The following RGS19 variants were observed in gnomAD, a reference collection of about 807,000 sequenced individuals.
RGS19 encodes regulator of G protein signaling 19.
A neutral mutation model predicts 22.0 loss-of-function variants in RGS19; 9 were observed. The observed-to-expected ratio is 0.41, with a 90% CI of 0.25 to 0.71. RGS19 has a LOEUF of 0.71. RGS19 is among the 30% of genes least tolerant of loss of function. The probability of loss-of-function intolerance (pLI) is 0.32; values close to 1 mark genes in which losing one functional copy is unlikely to be tolerated. For missense variants in RGS19, 256 were observed against 307.1 expected (o/e 0.83, Z 1.24); for synonymous variants, 130 against 127.3 (o/e 1.02, Z -0.14).
rs1056781466 is a variant in RGS19 at position 64,075,754 on chromosome 20, C to T, written c.152+771G>A. Among the ~76,000 whole-genome samples, 3 of 152,212 alleles carry T rather than the reference C, an allele frequency of 2.0e-5. No homozygotes were observed. The highest frequency in any genetic ancestry group is 2.9e-5 in the Non-Finnish European group (2 of 68,024). ...GCCACCGCCCCCTGCTCTTCTTCCCCCACGCATGCTGTCCGGGAAGCTCTT... is the reference window on the plus strand; with the variant it reads ...GCCACCGCCCCCTGCTCTTCTTCCCTCACGCATGCTGTCCGGGAAGCTCTT... On this transcript the variant is annotated intron_variant, in intron 3 of 5. Coordinates refer to ENST00000395042, the MANE Select transcript of RGS19 (RefSeq NM_005873.3). The surrounding 1 kb of genome is among the most constrained non-coding windows in gnomAD (Gnocchi z 4.6).
At position 64,073,769 on chromosome 20, in the gene RGS19, C is replaced by G; in HGVS notation, c.*84G>C. 7.9e-7 allele frequency: 1 copy of G among 1,272,178 alleles called. No individual in the cohort carries two copies. The highest frequency in any genetic ancestry group is 1.1e-6 in the Non-Finnish European group (1 of 918,524). The allele number at this position is 1,272,178 out of a possible 1,614,324, so 78.8% of individuals were successfully genotyped here. A position where few individuals can be genotyped will look rare whatever the true frequency, so the allele number is the denominator to read the frequency against. On this transcript the variant is annotated 3_prime_UTR_variant, in exon 6 of 6. Coordinates refer to ENST00000395042, the MANE Select transcript of RGS19 (RefSeq NM_005873.3). ...GACCCCAGCCGGCCAGGCATGTGCCCTGACAGCCCTGCCGACAACAACACC... is the reference window on the plus strand; with the variant it reads ...GACCCCAGCCGGCCAGGCATGTGCCGTGACAGCCCTGCCGACAACAACACC...
Position 64,074,454 on chromosome 20 carries a change from C to A in RGS19, c.227+13G>T. 1 of 1,581,958 alleles carries A rather than the reference C, an allele frequency of 6.3e-7. No individual in the cohort carries two copies. Among genetic ancestry groups the A allele is most frequent in the East Asian group, 2.3e-5 (1 of 43,086 alleles). On this transcript the variant is annotated intron_variant, in intron 4 of 5. Coordinates refer to ENST00000395042, the MANE Select transcript of RGS19 (RefSeq NM_005873.3). ...GCCCCCCCAGCACGCACACACCAGC[C>A]GGCTGGACTCACCATACTTCACAGC...
rs1227112675 is a variant in RGS19, at chr20:64,073,611, C to T, written c.*242G>A. 8.3e-6 allele frequency: 4 copies of T among 482,770 alleles called. No individual in the cohort carries two copies. Among genetic ancestry groups the T allele is most frequent in the East Asian group, 6.7e-5 (2 of 29,748 alleles). 29.9% of individuals were successfully genotyped at this position (482,770 alleles called of 1,614,324 possible). A position where few individuals can be genotyped will look rare whatever the true frequency, so the allele number is the denominator to read the frequency against. ...AGCACTGGGCCAGCCAGCTGCGGGC[C>T]GATGAGGGGGCTTCTGGCCCGCCCT... On this transcript the variant is annotated 3_prime_UTR_variant, in exon 6 of 6. Transcript: ENST00000395042.
intron 1 of RGS19, among the ~76,000 whole-genome samples, chr20:64,077,529 G>A (rs966658235): frequency 3.3e-5 from 5 of 152,318 alleles, no homozygotes; most frequent in East Asian, 1.9e-4. Flanking sequence ...GCAGGGCCCC[G>A]GTGAGGAGGG....
At chr20:64,076,405 G>A in intron 3 of RGS19, 120 bp downstream of exon 3, 1 of 1,466,256 alleles carries the variant, frequency 6.8e-7, no homozygotes, top group East Asian at 2.3e-5. Flanking sequence ...GTGCTGTGAG[G>A]TGGCAGGGGC....
At position 64,074,434 on chromosome 20, in the gene RGS19, C is replaced by A. The variant is rs1238750606; in HGVS notation, c.227+33G>T. 6 of 1,575,240 alleles carry A rather than the reference C, an allele frequency of 3.8e-6. No homozygotes were observed. In the Admixed American group the frequency reaches 5.5e-5, roughly 14 times the overall value. On this transcript the variant is annotated intron_variant, in intron 4 of 5. Coordinates refer to ENST00000395042, the MANE Select transcript of RGS19 (RefSeq NM_005873.3). The stretch of plus-strand genomic sequence containing the variant: ...CCCGAGTCTCCCGGTCTGGGGCCCC[C>A]CCAGCACGCACACACCAGCCGGCTG...
At chr20:64,077,122 AG>A in intron 1 of RGS19, 168 bp from the exon 2 acceptor site, 1 of 436,864 alleles carries the variant, frequency 2.3e-6, no homozygotes, top group Non-Finnish European at 4.0e-6. Flanking sequence ...CAGGGCTGGG[AG>A]GGGGTCCAGG....
chr20:64,077,982 C>T (rs1239683448), intron 1 of RGS19, among the ~76,000 whole-genome samples: 4 of 152,174 alleles, frequency 2.6e-5, no homozygotes, highest in Admixed American at 1.3e-4. Context: ...CCTCATGTGC[C>T]GCCACCCTCC....
intron 1 of RGS19, among the ~76,000 whole-genome samples, chr20:64,078,298 GTC>G (rs2059925319): frequency 4.7e-5 from 1 of 21,168 alleles, no homozygotes; most frequent in Admixed American, 9.6e-4. Flanking sequence ...GAGACTGGGG[GTC>G]CCACGGGCTC....
chr20:64,074,401 A>G (rs370899383), intron 4 of RGS19, 23 bp from the exon 5 acceptor site: 9 of 1,591,564 alleles, frequency 5.7e-6, no homozygotes, highest in African/African-American at 1.3e-5. Flanking sequence ...GGGCCAGGCT[A>G]TGTCAGGCCC....
intron 3 of RGS19, among the ~76,000 whole-genome samples, chr20:64,074,787 A>G (rs1284154613): frequency 2.0e-5 from 3 of 152,254 alleles, no homozygotes; most frequent in Non-Finnish European, 4.4e-5. Context: ...TCCCTGCCAC[A>G]GTGCCCAGAC....
intron 1 of RGS19, 27 bp from the exon 2 acceptor site, chr20:64,076,981 T>G: frequency 8.3e-7 from 1 of 1,211,694 alleles, no homozygotes; most frequent in Non-Finnish European, 1.1e-6. Context: ...AGGTTCTGAC[T>G]GAGAACCTGA....
chr20:64,076,916 G>T lies in RGS19; in HGVS notation c.-30C>A. The stretch of plus-strand genomic sequence containing the variant: ...GGGCGGAGGAGGTTGCCCAGGCTCC[G>T]TGGTACCAGCTCTCAGACCCTCACC... On this transcript the variant is annotated 5_prime_UTR_variant, in exon 2 of 6. Transcript: ENST00000395042. 1 of 1,506,562 alleles carries T rather than the reference G, an allele frequency of 6.6e-7. No homozygotes were observed. The highest frequency in any genetic ancestry group is 8.8e-7 in the Non-Finnish European group (1 of 1,132,196). The allele number at this position is 1,506,562 out of a possible 1,614,324, so 93.3% of individuals were successfully genotyped here. A position where few individuals can be genotyped will look rare whatever the true frequency, so the allele number is the denominator to read the frequency against.
chr20:64,077,000 C>T, intron 1 of RGS19, 46 bp from the exon 2 acceptor site: 1 of 995,634 alleles, frequency 1.0e-6, no homozygotes, highest in Non-Finnish European at 1.4e-6. Context: ...GAAACCCCAG[C>T]CCCTGCCTAC....
At chr20:64,074,430 C>A in intron 4 of RGS19, 37 bp downstream of exon 4, 2 of 1,568,748 alleles carry the variant, frequency 1.3e-6, no homozygotes, top group Admixed American at 1.8e-5. Context: ...CGGTCTGGGG[C>A]CCCCCCAGCA....
Position 64,077,137 on chromosome 20 carries a change from A to G in RGS19, c.-68-183T>C, listed in dbSNP as rs568404008. The stretch of plus-strand genomic sequence containing the variant: ...CAGGGCTGGGAGGGGGTCCAGGATC[A>G]TTGAGGAGGGAGCTGCAGCAGCTTC... On this transcript the variant is annotated intron_variant, in intron 1 of 5. Coordinates refer to ENST00000395042, the MANE Select transcript of RGS19 (RefSeq NM_005873.3). 1.1e-3 allele frequency: 452 copies of G among 413,178 alleles called. 6 individuals are homozygous for G. In the East Asian group the frequency reaches 0.016, roughly 15 times the overall value. 25.6% of individuals were successfully genotyped at this position (413,178 alleles called of 1,614,324 possible). A position where few individuals can be genotyped will look rare whatever the true frequency, so the allele number is the denominator to read the frequency against.
chr20:64,077,702 T>G (rs191890433), intron 1 of RGS19, among the ~76,000 whole-genome samples: 8 of 152,310 alleles, frequency 5.3e-5, no homozygotes, highest in African/African-American at 7.2e-5. Context: ...GGGGGCACCC[T>G]GCTCCCCAGT....
rs1198400488 is a variant in RGS19, at chr20:64,073,888, G to C, written c.619C>G (p.Leu207Val). Reference protein sequence around the residue: ...LSSPTYRALLLQGPSQSSSEA With the variant: ...LSSPTYRALLVQGPSQSSSEA ...GAGGAGGACTGTGATGGCCCCTGCAGCAGCAGGGCACGGTAGGTGGGAGAG... is the reference window on the plus strand; with the variant it reads ...GAGGAGGACTGTGATGGCCCCTGCACCAGCAGGGCACGGTAGGTGGGAGAG... Residue 207 changes from leucine to valine, a missense_variant, in exon 6 of 6, where the codon CTG (leucine) becomes GTG (valine). Transcript: ENST00000395042. The C allele has an allele frequency of 1.2e-6, 2 of 1,613,112 alleles. No individual in the cohort carries two copies. The highest frequency in any genetic ancestry group is 1.7e-6 in the Non-Finnish European group (2 of 1,179,686).
chr20:64,073,800 G>A lies in RGS19; in HGVS notation c.*53C>T. 9 of 1,489,770 alleles carry A rather than the reference G, an allele frequency of 6.0e-6. No individual in the cohort carries two copies. The highest frequency in any genetic ancestry group is 8.2e-6 in the Non-Finnish European group (9 of 1,097,646). The allele number at this position is 1,489,770 out of a possible 1,614,324, so 92.3% of individuals were successfully genotyped here. On this transcript the variant is annotated 3_prime_UTR_variant, in exon 6 of 6. Coordinates refer to ENST00000395042, the MANE Select transcript of RGS19 (RefSeq NM_005873.3). The stretch of plus-strand genomic sequence containing the variant: ...GCCCTGCCGACAACAACACCTGAAG[G>A]GAACCCAGAGTCGGCCGTAGGAGGC...
Sources: allele counts gnomAD v4.1 joint callset (sites outside exome capture counted in the v4.1 genomes callset), GRCh38; gene constraint gnomAD v4.1.1; non-coding constraint Gnocchi (gnomAD v3.1); transcripts MANE v1.5; gene names NCBI Gene and HGNC (gene_info 2026-07-23, HGNC 2026-07-21).